COP1: variants seen among roughly 807,000 people sequenced by gnomAD.
COP1 encodes the protein COP1 E3 ubiquitin ligase.
COP1 carries 24 observed loss-of-function variants against 101.3 expected under a neutral mutation model. The ratio of observed to expected loss-of-function variants is 0.24; its 90% CI spans 0.17 to 0.33. The LOEUF (loss-of-function observed/expected upper bound fraction) is 0.33, where lower values mean the gene tolerates loss of function less well. COP1 is among the 10% of genes least tolerant of loss of function. The pLI is 1.00. For synonymous variants in COP1, 347 were observed against 341.9 expected, an observed-to-expected ratio of 1.01 and a Z score of -0.17; for missense variants, 663 against 906.2, an observed-to-expected ratio of 0.73 and a Z score of 3.45.
At chr1:176,196,894 GAGAAAAAGAAAGA>G (rs1182930220) in intron 1 of COP1, among the ~76,000 whole-genome samples, 1 of 139,668 alleles carries the variant, frequency 7.2e-6, no homozygotes, top group Non-Finnish European at 1.5e-5. Context: ...AAAAAAAAAA[GAGAAAAAGAAAGA>G]AGAAAGAGAA....
intron 14 of COP1, among the ~76,000 whole-genome samples, chr1:176,030,675 GTAAC>G (rs1668515960): frequency 1.3e-5 from 2 of 152,034 alleles, no homozygotes; most frequent in African/African-American, 4.8e-5. Flanking sequence ...AGCTACAAGG[GTAAC>G]TAAGATTAAA....
chr1:176,156,441 T>C (rs183816819), intron 5 of COP1, among the ~76,000 whole-genome samples: 2 of 151,882 alleles, frequency 1.3e-5, no homozygotes, highest in Non-Finnish European at 2.9e-5. Context: ...AACCGAACTA[T>C]ATCAATAATT....
At chr1:176,176,034 C>T (rs754254366) in intron 2 of COP1, 27 bp from the exon 3 acceptor site, 6 of 1,112,734 alleles carry the variant, frequency 5.4e-6, no homozygotes, top group Middle Eastern at 2.0e-4. Context: ...AAAAAAAAGG[C>T]TTAATTAAAT....
intron 10 of COP1, among the ~76,000 whole-genome samples, chr1:176,082,649 A>C (rs1384723679): frequency 6.6e-6 from 1 of 151,998 alleles, no homozygotes; most frequent in Non-Finnish European, 1.5e-5. Flanking sequence ...TCTACTAAAA[A>C]TACAAAATTA....
intron 18 of COP1, among the ~76,000 whole-genome samples, chr1:175,952,417 C>T (rs1044279781): frequency 2.1e-5 from 1 of 47,416 alleles, no homozygotes; most frequent in African/African-American, 5.8e-5. Context: ...AGCAAGACTT[C>T]ATCTCAAAAA....
rs1289979035 is a variant in COP1 at position 176,206,761 on chromosome 1, G to A, written c.218C>T (p.Ala73Val). The change falls in exon 1 of 20, where the codon GCC becomes GTC. Residue 73 changes from alanine to valine, a missense_variant. Ala to Val is a moderately conservative substitution (Grantham distance 64). Around this residue, in one of 4 missense-constraint regions of COP1, gnomAD observed 204 missense variants for 203.6 expected, o/e 1.00. Coordinates refer to ENST00000367669, the MANE Select transcript of COP1 (RefSeq NM_022457.7). ...CGCCCCGCCGCCGCTACCCGATACG[G>A]CGGGCGCCACCAACACAGGCCGCAC... ...GPVRPVLVAP[A>V]VSGSGGGAVS... 4 of 1,514,916 alleles carry A rather than the reference G, an allele frequency of 2.6e-6. No homozygotes were observed. Among genetic ancestry groups the A allele is most frequent in the Non-Finnish European group, 3.5e-6 (4 of 1,138,414 alleles). The allele number at this position is 1,514,916 out of a possible 1,614,324, so 93.8% of individuals were successfully genotyped here.
chr1:176,033,008 G>C (rs1668888745), intron 14 of COP1, among the ~76,000 whole-genome samples: 1 of 152,138 alleles, frequency 6.6e-6, no homozygotes, highest in Admixed American at 6.6e-5. Flanking sequence ...TTAATCTGCT[G>C]ATGAAAAACT....
chr1:175,945,296 G>T, intron 19 of COP1, 126 bp from the exon 20 acceptor site: 1 of 658,296 alleles, frequency 1.5e-6, no homozygotes, highest in Non-Finnish European at 2.5e-6. Context: ...CTGGGAAAAT[G>T]CCAAAGAATT....
chr1:176,135,863 G>C (rs959949991), intron 7 of COP1, among the ~76,000 whole-genome samples: 2 of 151,998 alleles, frequency 1.3e-5, no homozygotes, highest in Non-Finnish European at 2.9e-5. Flanking sequence ...GAATGCTACA[G>C]AGGATACTGA....
At chr1:175,963,499 G>C (rs2148550268) in intron 18 of COP1, among the ~76,000 whole-genome samples, 1 of 152,188 alleles carries the variant, frequency 6.6e-6, no homozygotes, top group East Asian at 1.9e-4. Context: ...CCCTTATTTA[G>C]CTGTGTAATC....
At chr1:176,068,215 C>T (rs1428327721) in intron 11 of COP1, among the ~76,000 whole-genome samples, 1 of 152,032 alleles carries the variant, frequency 6.6e-6, no homozygotes, top group Admixed American at 6.6e-5. Context: ...CCTTCCTTCC[C>T]CTTCCTTCTT....
At chr1:176,188,254 T>C (rs1486532039) in intron 1 of COP1, among the ~76,000 whole-genome samples, 2 of 152,054 alleles carry the variant, frequency 1.3e-5, no homozygotes, top group Non-Finnish European at 2.9e-5. Context: ...CTTTAAAGAA[T>C]TCCTGTCAGA....
At chr1:176,048,079 C>T (rs1048878073) in intron 11 of COP1, among the ~76,000 whole-genome samples, 1 of 151,354 alleles carries the variant, frequency 6.6e-6, no homozygotes, top group African/African-American at 2.4e-5. Context: ...TCTTAAAAAA[C>T]AACTACAACA....
At chr1:176,004,360 T>C (rs969353143) in intron 15 of COP1, among the ~76,000 whole-genome samples, 2 of 136,796 alleles carry the variant, frequency 1.5e-5, no homozygotes, top group African/African-American at 2.6e-5. Flanking sequence ...TCCTGCCTAA[T>C]TGCCCTGGCC....
rs2149445162 is a variant in COP1, at chr1:176,089,516, C to T, written c.1027-3626G>A. ...AATATGTATGGTATTTACCTGCTGG[C>T]ACAAGTTCACCAACAACTGTACCAC... On this transcript the variant is annotated intron_variant, in intron 9 of 19. Coordinates refer to ENST00000367669, the MANE Select transcript of COP1 (RefSeq NM_022457.7). 2.6e-5 allele frequency among the ~76,000 whole-genome samples: 4 copies of T among 152,262 alleles called. No individual in the cohort carries two copies. The Middle Eastern group carries it at 0.014, about 518-fold the overall frequency.
chr1:176,184,541 G>T, intron 2 of COP1, 92 bp downstream of exon 2: 2 of 991,222 alleles, frequency 2.0e-6, no homozygotes, highest in Non-Finnish European at 1.5e-6. Context: ...CATAATCAAA[G>T]TTGGTTTAAA....
In COP1 at chr1:176,087,445, G is replaced by A. The variant is rs149141610; in HGVS notation, c.1027-1555C>T. Among the ~76,000 whole-genome samples the A allele has an allele frequency of 7.3e-3, 1,111 of 152,082 alleles. 8 individuals are homozygous for A. The highest frequency in any genetic ancestry group is 0.014 in the Middle Eastern group (4 of 294). On this transcript the variant is annotated intron_variant, in intron 9 of 19. Coordinates refer to ENST00000367669, the MANE Select transcript of COP1 (RefSeq NM_022457.7). ...CAACCCCATCAAAAAGTGGGAGAAG[G>A]GTATGAACACACACTTCTCAAAAGA...
chr1:176,051,276 G>GA (rs1329939303), intron 11 of COP1, among the ~76,000 whole-genome samples: 1 of 152,114 alleles, frequency 6.6e-6, no homozygotes, highest in African/African-American at 2.4e-5. Flanking sequence ...CATAGCTGCT[G>GA]AAAAAACCAA....
intron 8 of COP1, among the ~76,000 whole-genome samples, chr1:176,133,226 G>GTATGTACACACA (rs1558174486): frequency 3.6e-5 from 2 of 55,874 alleles, no homozygotes; most frequent in Admixed American, 2.1e-4. Context: ...ACGTATATAC[G>GTATGTACACACA]TACGTATATG....
Sources: allele counts gnomAD v4.1 joint callset (sites outside exome capture counted in the v4.1 genomes callset), GRCh38; gene constraint gnomAD v4.1.1; regional missense constraint gnomAD v4.1.1; transcripts MANE v1.5; gene names NCBI Gene and HGNC (gene_info 2026-07-23, HGNC 2026-07-21).